The following KIZ variants were observed in gnomAD, a reference collection of about 807,000 sequenced individuals.
KIZ encodes kizuna centrosomal protein, also known as centrosomal protein kizuna.
KIZ carries 68 observed loss-of-function variants against 79.6 expected under a neutral mutation model. The ratio of observed to expected loss-of-function variants is 0.85; its 90% CI spans 0.70 to 1.05. KIZ has a LOEUF of 1.05. Among genes scored for constraint, KIZ ranks in the 50% least tolerant of loss-of-function variants. The pLI, the probability that KIZ is intolerant of heterozygous loss-of-function variation, is 0.00. For synonymous variants in KIZ, 280 were observed against 281.8 expected, an observed-to-expected ratio of 0.99 and a Z score of 0.06; for missense variants, 797 against 800.4, an observed-to-expected ratio of 1.00 and a Z score of 0.05.
chr20:21,164,474 A>G (rs867882593), intron 6 of KIZ, among the ~76,000 whole-genome samples: 34 of 152,366 alleles, frequency 2.2e-4, no homozygotes, highest in Middle Eastern at 3.4e-3. Context: ...AATACATATT[A>G]CATCATCAGA....
At chr20:21,134,356 T>G (rs977772653) in intron 2 of KIZ, among the ~76,000 whole-genome samples, 1 of 152,130 alleles carries the variant, frequency 6.6e-6, no homozygotes, top group South Asian at 2.1e-4. Context: ...TTCACTTCCA[T>G]CTGAGCCTCA....
intron 4 of KIZ, among the ~76,000 whole-genome samples, chr20:21,150,193 C>T (rs914829795): frequency 1.3e-5 from 2 of 152,006 alleles, no homozygotes; most frequent in Non-Finnish European, 2.9e-5. Context: ...CTGAGAGAAA[C>T]GCTTGGGCCA....
intron 6 of KIZ, among the ~76,000 whole-genome samples, chr20:21,174,458 A>G (rs1412435322): frequency 6.6e-6 from 1 of 152,194 alleles, no homozygotes; most frequent in Non-Finnish European, 1.5e-5. Context: ...CATCAAAGAT[A>G]ATATTTTATA....
In KIZ at chr20:21,166,134, T is replaced by G. The variant is rs1600429457; in HGVS notation, c.1352+2975T>G. ...GGCATGTGCCGCCATGCTTGGCTAA[T>G]TTTTGTATTTTGTATTTTTTTTTTT... On this transcript the variant is annotated intron_variant, in intron 6 of 12. Transcript: ENST00000619189. 10 of 896,448 alleles carry G rather than the reference T, an allele frequency of 1.1e-5. No individual in the cohort carries two copies. In the East Asian group the frequency reaches 1.8e-4, roughly 16 times the overall value. 55.5% of individuals were successfully genotyped at this position (896,448 alleles called of 1,614,324 possible).
intron 6 of KIZ, among the ~76,000 whole-genome samples, chr20:21,176,611 A>T (rs908333426): frequency 3.9e-5 from 6 of 151,972 alleles, no homozygotes; most frequent in African/African-American, 1.4e-4. Context: ...CAGAGCAAGC[A>T]TCAGAGCCAG....
intron 9 of KIZ, among the ~76,000 whole-genome samples, chr20:21,216,949 A>G (rs528251916): frequency 6.8e-4 from 103 of 152,300 alleles, no homozygotes; most frequent in Non-Finnish European, 1.1e-3. Context: ...TTTATAAGAA[A>G]ACGGATAATT....
intron 4 of KIZ, among the ~76,000 whole-genome samples, chr20:21,147,843 A>G (rs958113737): frequency 2.6e-5 from 4 of 151,958 alleles, no homozygotes; most frequent in African/African-American, 9.7e-5. Context: ...GTGAGCTGGC[A>G]TAGAAGGATG....
At chr20:21,196,930 C>CTG (rs2035367111) in intron 6 of KIZ, 11 of 152,222 alleles carry the variant, frequency 7.2e-5, no homozygotes, top group Admixed American at 7.2e-4. Context: ...GGCACATAGC[C>CTG]ATCAACTAGG....
intron 3 of KIZ, among the ~76,000 whole-genome samples, chr20:21,144,732 G>A (rs2032758029): frequency 6.6e-6 from 1 of 152,094 alleles, no homozygotes; most frequent in South Asian, 2.1e-4. Context: ...CCTATTTTAT[G>A]TTCAGAGAAC....
intron 6 of KIZ, among the ~76,000 whole-genome samples, chr20:21,171,698 G>A (rs1251390514): frequency 6.6e-6 from 1 of 152,132 alleles, no homozygotes; most frequent in African/African-American, 2.4e-5. Context: ...ACCCACCTTG[G>A]CCTCCCAAAG....
intron 7 of KIZ, 34 bp from the exon 8 acceptor site, chr20:21,214,501 T>A (rs750283272): frequency 2.2e-5 from 34 of 1,557,956 alleles, no homozygotes; most frequent in Non-Finnish European, 3.0e-5. Flanking sequence ...ACAGTTTGTT[T>A]TTATTTCTTT....
chr20:21,133,831 A>ACCTTCAGAGGAG (rs993153078), intron 2 of KIZ, among the ~76,000 whole-genome samples: 2 of 152,172 alleles, frequency 1.3e-5, no homozygotes, highest in African/African-American at 4.8e-5. Context: ...GTCCCTCCAG[A>ACCTTCAGAGGAG]CCTTCAGAGG....
intron 6 of KIZ, among the ~76,000 whole-genome samples, chr20:21,203,420 G>C (rs1482482899): frequency 6.6e-6 from 1 of 152,080 alleles, no homozygotes; most frequent in East Asian, 1.9e-4. Flanking sequence ...TTTAAAACCG[G>C]GCAGCACATA....
chr20:21,136,642 A>C (rs2122376528), intron 3 of KIZ, 90 bp downstream of exon 3: 4 of 934,992 alleles, frequency 4.3e-6, no homozygotes, highest in East Asian at 2.8e-5. Flanking sequence ...TGTGTTACCC[A>C]GGCTAGACTT....
intron 3 of KIZ, among the ~76,000 whole-genome samples, chr20:21,141,799 A>G (rs2032546881): frequency 8.1e-6 from 1 of 123,872 alleles, no homozygotes; most frequent in South Asian, 2.7e-4. Flanking sequence ...ACTCCTCCCA[A>G]CACACACACA....
intron 6 of KIZ, among the ~76,000 whole-genome samples, chr20:21,178,930 A>G (rs1401178458): frequency 1.3e-5 from 2 of 152,012 alleles, no homozygotes; most frequent in Non-Finnish European, 2.9e-5. Flanking sequence ...TCACTTAGTT[A>G]TGATTTATGA....
At chr20:21,156,851 A>AGAGG (rs992337106) in intron 4 of KIZ, among the ~76,000 whole-genome samples, 1 of 152,248 alleles carries the variant, frequency 6.6e-6, no homozygotes, top group African/African-American at 2.4e-5. Context: ...ACATATATGT[A>AGAGG]GAGGGAGAGA....
intron 10 of KIZ, 50 bp from the exon 11 acceptor site, chr20:21,232,684 A>T: frequency 2.2e-6 from 2 of 920,838 alleles, no homozygotes; most frequent in Non-Finnish European, 3.5e-6. Flanking sequence ...ATTTTGTCCC[A>T]TGGCTGCATG....
Position 21,162,980 on chromosome 20 carries a change from C to A in KIZ, c.1173C>A (p.Ser391Arg), listed in dbSNP as rs373785956. ...SISEDDLILESPEPQPNPGGK... is the reference protein window; with the variant it reads ...SISEDDLILERPEPQPNPGGK... ...GTGAAGATGATCTGATTTTAGAGAGCCCAGAACCACAGCCAAATCCAGGTG... is the reference window on the plus strand; with the variant it reads ...GTGAAGATGATCTGATTTTAGAGAGACCAGAACCACAGCCAAATCCAGGTG... The change falls in exon 6 of 13, where the codon AGC becomes AGA. Residue 391 changes from serine (S) to arginine (R), a missense_variant. Coordinates refer to ENST00000619189, the MANE Select transcript of KIZ (RefSeq NM_018474.6). 17 of 1,613,728 alleles carry A rather than the reference C, an allele frequency of 1.1e-5. No individual in the cohort carries two copies. In the African/African-American group the frequency reaches 2.3e-4, roughly 22 times the overall value.
Sources: gnomAD v4.1 joint callset for allele counts (sites outside exome capture counted in the v4.1 genomes callset) on GRCh38, gnomAD v4.1.1 for gene constraint, MANE v1.5 for transcripts, NCBI Gene and HGNC (gene_info 2026-07-23, HGNC 2026-07-21) for gene names.